PCDH9: variants seen among roughly 807,000 people sequenced by gnomAD.
The protein encoded by PCDH9 is protocadherin-9.
A neutral mutation model predicts 70.6 loss-of-function variants in PCDH9; 24 were observed. The observed-to-expected ratio is 0.34, with a 90% confidence interval of 0.25 to 0.48. PCDH9 has a LOEUF of 0.48. Ranked by LOEUF, PCDH9 falls within the 20% of genes least tolerant of loss-of-function variation. PCDH9 has a pLI of 0.99. For synonymous variants in PCDH9, 562 were observed against 558.5 expected (o/e 1.01, Z -0.09); for missense variants, 1,281 against 1,503.6 (o/e 0.85, Z 2.45).
At chr13:66,587,046 A>G (rs1266620614) in intron 4 of PCDH9, among the ~76,000 whole-genome samples, 2 of 152,116 alleles carry the variant, frequency 1.3e-5, no homozygotes, top group African/African-American at 4.8e-5. Flanking sequence ...CGGTAATACC[A>G]GCACTTTAGG....
chr13:66,482,301 G>A (rs79021737), intron 4 of PCDH9, among the ~76,000 whole-genome samples: 2,787 of 152,156 alleles, frequency 0.018, 72 homozygotes, highest in African/African-American at 0.063. Context: ...TTAATCTAAC[G>A]TTTGTCATTT....
At chr13:66,530,883 C>A (rs1960421150) in intron 4 of PCDH9, among the ~76,000 whole-genome samples, 1 of 151,874 alleles carries the variant, frequency 6.6e-6, no homozygotes, top group African/African-American at 2.4e-5. Flanking sequence ...CATTTGCATA[C>A]CTTTGTGTGA....
intron 3 of PCDH9, among the ~76,000 whole-genome samples, chr13:66,700,614 C>A (rs2078625680): frequency 6.6e-6 from 1 of 152,018 alleles, no homozygotes; most frequent in Non-Finnish European, 1.5e-5. Context: ...CTTGAAAATA[C>A]TGGTGATTAA....
intron 3 of PCDH9, among the ~76,000 whole-genome samples, chr13:66,633,313 G>A (rs2077596249): frequency 6.6e-6 from 1 of 152,142 alleles, no homozygotes; most frequent in Non-Finnish European, 1.5e-5. Flanking sequence ...ACGTGCCTAG[G>A]TGAGTGCTAT....
intron 3 of PCDH9, among the ~76,000 whole-genome samples, chr13:66,890,124 T>C (rs1374491918): frequency 6.6e-6 from 1 of 152,140 alleles, no homozygotes; most frequent in Non-Finnish European, 1.5e-5. Context: ...ATCATGTCAC[T>C]AATGAAAGAT....
chr13:66,607,365 G>C (rs2077233924), intron 4 of PCDH9, among the ~76,000 whole-genome samples: 1 of 151,954 alleles, frequency 6.6e-6, no homozygotes, highest in African/African-American at 2.4e-5. Context: ...TTAATAAATG[G>C]TAATATTATT....
intron 3 of PCDH9, among the ~76,000 whole-genome samples, chr13:66,818,210 G>A (rs1407180681): frequency 6.6e-6 from 1 of 151,926 alleles, no homozygotes; most frequent in Admixed American, 6.6e-5. Context: ...CCTAGCCATG[G>A]GCAGATTCAC....
chr13:67,103,030 T>C (rs1339950130), intron 2 of PCDH9, among the ~76,000 whole-genome samples: 2 of 152,078 alleles, frequency 1.3e-5, no homozygotes, highest in Non-Finnish European at 2.9e-5. Flanking sequence ...CTAAGTATTA[T>C]GGCAAAAGAA....
chr13:66,324,128 T>C (rs914131477), intron 4 of PCDH9, among the ~76,000 whole-genome samples: 6 of 151,986 alleles, frequency 3.9e-5, no homozygotes, highest in Non-Finnish European at 8.8e-5. Context: ...GGAAGACAGA[T>C]GAGCTGTGAG....
intron 3 of PCDH9, among the ~76,000 whole-genome samples, chr13:66,861,374 A>C (rs1264509319): frequency 6.6e-6 from 1 of 152,148 alleles, no homozygotes; most frequent in Admixed American, 6.6e-5. Context: ...CCTCTATTAG[A>C]AACTTTTCCC....
In PCDH9 at chr13:66,813,002, C is replaced by G. The variant is rs143663350; in HGVS notation, c.3138+90502G>C. ...GATCTCCAAAAGAGCAAACCACTCT[C>G]CCTCCATCAGACAATCTGTGTAATT... On this transcript the variant is annotated intron_variant, in intron 3 of 4. Coordinates refer to ENST00000377865, the MANE Select transcript of PCDH9 (RefSeq NM_203487.3). Among the ~76,000 whole-genome samples, 393 of 152,232 alleles carry G rather than the reference C, an allele frequency of 2.6e-3. 2 individuals carry two copies. Among genetic ancestry groups the G allele is most frequent in the Admixed American group, 3.1e-3 (47 of 15,284 alleles).
chr13:66,547,978 T>C (rs1023503826), intron 4 of PCDH9, among the ~76,000 whole-genome samples: 2 of 148,932 alleles, frequency 1.3e-5, no homozygotes, highest in African/African-American at 4.9e-5. Context: ...AACAGTGAGA[T>C]GTATAGAAGC....
chr13:66,333,112 C>CA (rs766687418), intron 4 of PCDH9, among the ~76,000 whole-genome samples: 62 of 152,154 alleles, frequency 4.1e-4, no homozygotes, highest in Non-Finnish European at 5.3e-4. Flanking sequence ...GGAAGACTTT[C>CA]TTACTAGCCC....
intron 4 of PCDH9, among the ~76,000 whole-genome samples, chr13:66,448,405 A>G (rs1387657985): frequency 6.6e-6 from 1 of 152,224 alleles, no homozygotes; most frequent in Admixed American, 6.5e-5. Context: ...TAATTAGAGT[A>G]CTGTGTTAGT....
intron 3 of PCDH9, among the ~76,000 whole-genome samples, chr13:66,769,822 T>C (rs986819039): frequency 6.6e-6 from 1 of 152,086 alleles, no homozygotes; most frequent in Non-Finnish European, 1.5e-5. Context: ...TTTACAGTTG[T>C]GGGATCTGAC....
intron 2 of PCDH9, among the ~76,000 whole-genome samples, chr13:67,042,670 A>G (rs1451592134): frequency 1.3e-5 from 2 of 152,170 alleles, no homozygotes; most frequent in African/African-American, 4.8e-5. Context: ...TATTCATTCA[A>G]AAACAAATAT....
At chr13:66,401,771 GC>G (rs35367620) in intron 4 of PCDH9, among the ~76,000 whole-genome samples, 66,445 of 151,678 alleles carry the variant, frequency 0.44, 14,701 homozygotes, top group East Asian at 0.54. Flanking sequence ...TGTACCTCCT[GC>G]CCAACTACTC....
chr13:66,900,975 CACCTTTCATTGTTA>C, intron 3 of PCDH9, among the ~76,000 whole-genome samples: 1 of 151,518 alleles, frequency 6.6e-6, no homozygotes, highest in African/African-American at 2.4e-5. Context: ...AGGTTATAAT[CACCTTTCATTGTTA>C]ATTCTCAAGA....
chr13:66,935,802 C>T (rs770267445), intron 2 of PCDH9, among the ~76,000 whole-genome samples: 1 of 151,990 alleles, frequency 6.6e-6, no homozygotes, highest in Admixed American at 6.6e-5. Flanking sequence ...ATTTTGCAGC[C>T]GGGCACCATG....
Sources: gnomAD v4.1 joint callset for allele counts (sites outside exome capture counted in the v4.1 genomes callset) on GRCh38, gnomAD v4.1.1 for gene constraint, MANE v1.5 for transcripts, NCBI Gene and HGNC (gene_info 2026-07-23, HGNC 2026-07-21) for gene names.